TLN2: variants seen among roughly 807,000 people sequenced by gnomAD.
TLN2 encodes the protein talin 2.
A neutral mutation model predicts 294.7 loss-of-function variants in TLN2; 118 were observed. The ratio of observed to expected loss-of-function variants is 0.40; its 90% CI spans 0.34 to 0.47. The LOEUF is 0.47. TLN2 is among the 20% of genes least tolerant of loss of function. The pLI, the probability that TLN2 is intolerant of heterozygous loss-of-function variation, is 0.84. For missense variants in TLN2, 3,083 were observed against 3,282.2 expected, an observed-to-expected ratio of 0.94 and a Z score of 1.48; for synonymous variants, 1,431 against 1,304.5, an observed-to-expected ratio of 1.10 and a Z score of -2.09.
At chr15:62,706,111 T>C (rs751919455) in intron 19 of TLN2, among the ~76,000 whole-genome samples, 1 of 152,274 alleles carries the variant, frequency 6.6e-6, no homozygotes, top group African/African-American at 2.4e-5. Flanking sequence ...TATCATCTGA[T>C]GAATTAATAA....
chr15:62,460,262 T>G (rs2036721151), intron 1 of TLN2, among the ~76,000 whole-genome samples: 1 of 147,880 alleles, frequency 6.8e-6, no homozygotes, highest in African/African-American at 2.5e-5. Flanking sequence ...GCCACATGGT[T>G]TTTTTTTTTT....
chr15:62,703,557 G>A (rs2058849779), intron 19 of TLN2, among the ~76,000 whole-genome samples: 1 of 151,040 alleles, frequency 6.6e-6, no homozygotes, highest in Admixed American at 6.6e-5. Flanking sequence ...GGTTTTAATG[G>A]CATCATTCTT....
At chr15:62,626,746 T>C (rs1273812376) in intron 3 of TLN2, among the ~76,000 whole-genome samples, 1 of 152,158 alleles carries the variant, frequency 6.6e-6, no homozygotes, top group Admixed American at 6.5e-5. Context: ...ACAGCTCTTA[T>C]TAAGGGCCCA....
At chr15:62,699,672 C>T (rs979426163) in intron 16 of TLN2, among the ~76,000 whole-genome samples, 3 of 152,204 alleles carry the variant, frequency 2.0e-5, no homozygotes, top group Non-Finnish European at 4.4e-5. Context: ...CCCCAGCCTA[C>T]TCAAACAGAA....
intron 3 of TLN2, among the ~76,000 whole-genome samples, chr15:62,635,789 AC>A (rs1395239478): frequency 6.6e-6 from 1 of 152,228 alleles, no homozygotes; most frequent in Non-Finnish European, 1.5e-5. Flanking sequence ...TAATAATGCA[AC>A]AAGTGAAAGT....
At chr15:62,548,878 G>A (rs1386945120) in intron 1 of TLN2, among the ~76,000 whole-genome samples, 1 of 152,032 alleles carries the variant, frequency 6.6e-6, no homozygotes, top group African/African-American at 2.4e-5. Flanking sequence ...AATTATGGGT[G>A]GATTTGAATC....
rs574311583 is a variant in TLN2 at position 62,467,676 on chromosome 15, C to T, written c.-238+76991C>T. Among the ~76,000 whole-genome samples the T allele has an allele frequency of 3.6e-4, 28 of 78,004 alleles. No individual in the cohort carries two copies. In the East Asian group the frequency reaches 0.011, roughly 30 times the overall value. 51.2% of individuals were successfully genotyped at this position (78,004 alleles called of 152,430 possible). A position where few individuals can be genotyped will look rare whatever the true frequency, so the allele number is the denominator to read the frequency against. ...CTCCAGCCTGGGTGACAGAGTGAGA[C>T]TCTGTCTCAAAAAAAAAATTAGTGT... On this transcript the variant is annotated intron_variant, in intron 1 of 58. Coordinates refer to ENST00000636159, the MANE Select transcript of TLN2 (RefSeq NM_015059.3).
intron 1 of TLN2, among the ~76,000 whole-genome samples, chr15:62,507,203 C>A (rs189899858): frequency 6.6e-6 from 1 of 152,200 alleles, no homozygotes; most frequent in Non-Finnish European, 1.5e-5. Context: ...AGATACTGTT[C>A]TTTTTACTTC....
chr15:62,587,870 T>C (rs1300489998), intron 1 of TLN2, among the ~76,000 whole-genome samples: 1 of 152,204 alleles, frequency 6.6e-6, no homozygotes, highest in East Asian at 1.9e-4. Context: ...AAATAAGGTC[T>C]CCACTTTCTA....
intron 1 of TLN2, among the ~76,000 whole-genome samples, chr15:62,498,857 C>A (rs369072201): frequency 6.6e-6 from 1 of 152,020 alleles, no homozygotes; most frequent in African/African-American, 2.4e-5. Context: ...TTTGGCGAAA[C>A]TATTAAAGGA....
chr15:62,772,003 G>T (rs2063377355), intron 42 of TLN2, among the ~76,000 whole-genome samples: 1 of 152,170 alleles, frequency 6.6e-6, no homozygotes, highest in Non-Finnish European at 1.5e-5. Flanking sequence ...GTATTGCCCA[G>T]GCTGGTTATG....
chr15:62,526,479 C>A (rs1350459919), intron 1 of TLN2, among the ~76,000 whole-genome samples: 1 of 152,218 alleles, frequency 6.6e-6, no homozygotes, highest in African/African-American at 2.4e-5. Flanking sequence ...GCTTCCGCAT[C>A]TCCTCACAGT....
chr15:62,563,304 T>G (rs1596143616), intron 1 of TLN2, among the ~76,000 whole-genome samples: 1 of 152,208 alleles, frequency 6.6e-6, no homozygotes, highest in Non-Finnish European at 1.5e-5. Flanking sequence ...AGGAGTAAAG[T>G]GGTATTGCAT....
chr15:62,607,380 T>C (rs2047541256), intron 2 of TLN2, among the ~76,000 whole-genome samples: 1 of 152,184 alleles, frequency 6.6e-6, no homozygotes, highest in South Asian at 2.1e-4. Flanking sequence ...ATTTCCCTGA[T>C]GGTTTTAAGC....
chr15:62,459,988 C>T (rs1415064314), intron 1 of TLN2, among the ~76,000 whole-genome samples: 1 of 152,194 alleles, frequency 6.6e-6, no homozygotes, highest in Non-Finnish European at 1.5e-5. Flanking sequence ...ACGATTGTTA[C>T]TCCCCCTCTC....
intron 1 of TLN2, among the ~76,000 whole-genome samples, chr15:62,522,978 A>ACACACACT (rs68133247): frequency 3.7e-5 from 4 of 109,160 alleles, no homozygotes; most frequent in Non-Finnish European, 6.8e-5. Context: ...ACACACACAC[A>ACACACACT]CTCTCTCACT....
chr15:62,578,157 A>G (rs914226773), intron 1 of TLN2, among the ~76,000 whole-genome samples: 5 of 152,210 alleles, frequency 3.3e-5, no homozygotes, highest in African/African-American at 4.8e-5. Context: ...TAAACATTGT[A>G]TGTATTTAAC....
At chr15:62,478,820 T>A (rs1026908342) in intron 1 of TLN2, among the ~76,000 whole-genome samples, 7 of 152,224 alleles carry the variant, frequency 4.6e-5, no homozygotes, top group African/African-American at 1.7e-4. Context: ...GTGTCTTAGG[T>A]GTTTTAAATT....
chr15:62,724,952 A>G, intron 26 of TLN2, 24 bp from the exon 27 acceptor site: 4 of 1,604,412 alleles, frequency 2.5e-6, no homozygotes, highest in Non-Finnish European at 3.4e-6. Context: ...GACTGGGTAT[A>G]CATATTTCCA....
Sources: gnomAD v4.1 joint callset for allele counts (sites outside exome capture counted in the v4.1 genomes callset) on GRCh38, gnomAD v4.1.1 for gene constraint, MANE v1.5 for transcripts, NCBI Gene and HGNC (gene_info 2026-07-23, HGNC 2026-07-21) for gene names.